ABHD6: variants seen among roughly 807,000 people sequenced by gnomAD.
ABHD6 encodes the protein monoacylglycerol lipase ABHD6.
Under a neutral mutation model 38.8 loss-of-function variants are expected in ABHD6, and 33 were observed. The observed-to-expected ratio is 0.85, with a 90% CI of 0.64 to 1.14. The LOEUF is 1.14. ABHD6 is among the 50% of genes most tolerant of loss of function. The pLI is 0.00. For missense variants in ABHD6, 380 were observed against 422.6 expected (o/e 0.90, Z 0.88); for synonymous variants, 147 against 161.6 (o/e 0.91, Z 0.69).
intron 7 of ABHD6, among the ~76,000 whole-genome samples, chr3:58,277,411 CTGTT>C (rs974294555): frequency 1.2e-4 from 19 of 152,196 alleles, no homozygotes; most frequent in Admixed American, 7.9e-4. Flanking sequence ...ATCTGGCTCT[CTGTT>C]TGTTATTGTT....
intron 9 of ABHD6, among the ~76,000 whole-genome samples, chr3:58,292,526 G>A (rs901852082): frequency 2.0e-5 from 3 of 152,110 alleles, no homozygotes; most frequent in Non-Finnish European, 2.9e-5. Flanking sequence ...GATCAGCCCT[G>A]GAAAAGTTCT....
intron 9 of ABHD6, among the ~76,000 whole-genome samples, chr3:58,292,762 C>A (rs2097464148): frequency 1.3e-5 from 2 of 151,938 alleles, no homozygotes; most frequent in South Asian, 4.2e-4. Context: ...ACTAGAAATA[C>A]AAAAATTAGC....
rs972016399 is a variant in ABHD6, at chr3:58,259,084, T to G, written c.119+2379T>G. On this transcript the variant is annotated intron_variant, in intron 3 of 9. Transcript: ENST00000478253. The surrounding 1 kb of genome is among the most constrained non-coding windows in gnomAD (Gnocchi z 4.7). ...TGCCACACACAAAACGCCGTTTTTA[T>G]TAACGACATGAAATTGAAGGAGAGA... Among the ~76,000 whole-genome samples the G allele has an allele frequency of 1.3e-5, 2 of 152,158 alleles. No homozygotes were observed. Among genetic ancestry groups the G allele is most frequent in the African/African-American group, 4.8e-5 (2 of 41,436 alleles).
intron 9 of ABHD6, among the ~76,000 whole-genome samples, chr3:58,291,811 G>T (rs2097463237): frequency 6.6e-6 from 1 of 152,158 alleles, no homozygotes; most frequent in African/African-American, 2.4e-5. Context: ...GCCTGGGCAT[G>T]ATGGTGCGTA....
At chr3:58,288,238 C>A (rs145167225) in intron 9 of ABHD6, among the ~76,000 whole-genome samples, 1 of 152,196 alleles carries the variant, frequency 6.6e-6, no homozygotes, top group Non-Finnish European at 1.5e-5. Context: ...TGTCACAGCA[C>A]CTGCCCCTAC....
chr3:58,247,255 C>T (rs2097427077), intron 1 of ABHD6, among the ~76,000 whole-genome samples: 1 of 152,108 alleles, frequency 6.6e-6, no homozygotes, highest in South Asian at 2.1e-4. Context: ...CCTCCTGCTT[C>T]AGCCTCCCAA....
At chr3:58,245,689 A>G (rs2107416682) in intron 1 of ABHD6, among the ~76,000 whole-genome samples, 1 of 152,314 alleles carries the variant, frequency 6.6e-6, no homozygotes, top group East Asian at 1.9e-4. Flanking sequence ...CTGAGGCACA[A>G]GAATTGCTTG....
intron 3 of ABHD6, among the ~76,000 whole-genome samples, chr3:58,264,427 AC>A: frequency 7.2e-6 from 1 of 139,466 alleles, no homozygotes; most frequent in East Asian, 2.0e-4. Flanking sequence ...ACACACACAC[AC>A]ACACACACAC....
rs2097441164 is a variant in ABHD6 at position 58,266,569 on chromosome 3, G to A, written c.120-620G>A. ...CTGCTTATTTTACACAAAGAGTTAA[G>A]ACCAGTCAGTTTAGGTTATTTGCTT... is the stretch of plus-strand genomic sequence containing the variant. On this transcript the variant is annotated intron_variant, in intron 3 of 9. Coordinates refer to ENST00000478253, the MANE Select transcript of ABHD6 (RefSeq NM_001320126.2). This position sits in a 1 kb window ranked among gnomAD's most constrained non-coding sequence, Gnocchi z 4.0. 6.6e-6 allele frequency among the ~76,000 whole-genome samples: 1 copy of A among 151,944 alleles called. No homozygotes were observed. The highest frequency in any genetic ancestry group is 1.5e-5 in the Non-Finnish European group (1 of 68,016).
intron 9 of ABHD6, among the ~76,000 whole-genome samples, chr3:58,286,848 G>GAATATATATATATATA (rs746605515): frequency 2.9e-5 from 2 of 70,060 alleles, no homozygotes; most frequent in Non-Finnish European, 5.4e-5. Context: ...GTGTGTGTGT[G>GAATATATATATATATA]TGTGTATATA....
rs2097441742 is a variant in ABHD6 at position 58,267,277 on chromosome 3, C to G, written c.208C>G (p.His70Asp). The change falls in exon 4 of 10, where the codon CAC becomes GAC. Residue 70 changes from histidine (H) to aspartate (D), a missense_variant. Coordinates refer to ENST00000478253, the MANE Select transcript of ABHD6 (RefSeq NM_001320126.2). This position sits in a 1 kb window ranked among gnomAD's most constrained non-coding sequence, Gnocchi z 4.3. ...FCYSFRGRPGHKPSILMLHGF... is the reference protein window; with the variant it reads ...FCYSFRGRPGDKPSILMLHGF... ...TTATTCCTTCCGGGGCAGGCCTGGG[C>G]ACAAACCCTCCATCCTCATGCTCCA... The G allele has an allele frequency of 6.2e-7, 1 of 1,614,178 alleles. No homozygotes were observed. The highest frequency in any genetic ancestry group is 1.6e-4 in the Middle Eastern group (1 of 6,062).
rs188679671 is a variant in ABHD6, at chr3:58,259,088, C to T, written c.119+2383C>T. Among the ~76,000 whole-genome samples, 22 of 152,198 alleles carry T rather than the reference C, an allele frequency of 1.4e-4. No individual in the cohort carries two copies. The highest frequency in any genetic ancestry group is 4.6e-4 in the African/African-American group (19 of 41,528). Reference sequence around the variant, plus strand: ...ACACACAAAACGCCGTTTTTATTAACGACATGAAATTGAAGGAGAGAACAC... The same window carrying T: ...ACACACAAAACGCCGTTTTTATTAATGACATGAAATTGAAGGAGAGAACAC... On this transcript the variant is annotated intron_variant, in intron 3 of 9. Coordinates refer to ENST00000478253, the MANE Select transcript of ABHD6 (RefSeq NM_001320126.2). The surrounding 1 kb of genome is among the most constrained non-coding windows in gnomAD (Gnocchi z 4.7).
rs117045194 is a variant in ABHD6 at position 58,244,459 on chromosome 3, G to A, written c.-90-5419G>A. On this transcript the variant is annotated intron_variant, in intron 1 of 9. Coordinates refer to ENST00000478253, the MANE Select transcript of ABHD6 (RefSeq NM_001320126.2). ...TACCGTAAAAGAGTCTACACAAAAT[G>A]AAGTCTTTGTTCTAAGAATTCGCAC... Among the ~76,000 whole-genome samples, 3 of 152,290 alleles carry A rather than the reference G, an allele frequency of 2.0e-5. No homozygotes were observed. The East Asian group carries it at 5.8e-4, about 29-fold the overall frequency.
chr3:58,253,168 T>G (rs201993798), intron 2 of ABHD6, among the ~76,000 whole-genome samples: 1 of 12,660 alleles, frequency 7.9e-5, no homozygotes, highest in Non-Finnish European at 1.2e-4. Context: ...CACAGAGGGG[T>G]TTTTTTTTTT....
intron 3 of ABHD6, among the ~76,000 whole-genome samples, chr3:58,262,913 A>T (rs1004173655): frequency 6.6e-6 from 1 of 152,086 alleles, no homozygotes; most frequent in African/African-American, 2.4e-5. Context: ...CTACTAAAAA[A>T]ATACAAAAAT....
At chr3:58,272,272 G>A (rs1009384180) in intron 6 of ABHD6, among the ~76,000 whole-genome samples, 1 of 152,180 alleles carries the variant, frequency 6.6e-6, no homozygotes, top group African/African-American at 2.4e-5. Flanking sequence ...AATTACATTA[G>A]TGCCAAAACC....
At chr3:58,246,789 AT>A (rs1360732068) in intron 1 of ABHD6, among the ~76,000 whole-genome samples, 1 of 152,186 alleles carries the variant, frequency 6.6e-6, no homozygotes, top group African/African-American at 2.4e-5. Flanking sequence ...AAAAATTTAA[AT>A]TCCTATCTTC....
chr3:58,253,489 T>C (rs1183618497), intron 2 of ABHD6, among the ~76,000 whole-genome samples: 2 of 152,206 alleles, frequency 1.3e-5, no homozygotes, highest in Non-Finnish European at 2.9e-5. Context: ...GCAGGGTAAA[T>C]TGTAGCCAGT....
At position 58,256,826 on chromosome 3, in the gene ABHD6, G is replaced by C; in HGVS notation, c.119+121G>C. 1.2e-6 allele frequency: 1 copy of C among 831,044 alleles called. No individual in the cohort carries two copies. Among genetic ancestry groups the C allele is most frequent in the Middle Eastern group, 3.8e-4 (1 of 2,602 alleles). 51.5% of individuals were successfully genotyped at this position (831,044 alleles called of 1,614,324 possible). On this transcript the variant is annotated intron_variant, in intron 3 of 9. Coordinates refer to ENST00000478253, the MANE Select transcript of ABHD6 (RefSeq NM_001320126.2). This position sits in a 1 kb window ranked among gnomAD's most constrained non-coding sequence, Gnocchi z 4.3. ...GGAAGTATTTCAGACAGAGAGAAAA[G>C]TTGAAAGGTACTCATCCTGTTTGGA...
Sources: gnomAD v4.1 joint callset for allele counts (sites outside exome capture counted in the v4.1 genomes callset) on GRCh38, gnomAD v4.1.1 for gene constraint, Gnocchi (gnomAD v3.1) non-coding constraint, MANE v1.5 for transcripts, NCBI Gene and HGNC (gene_info 2026-07-23, HGNC 2026-07-21) for gene names.